Variants in HDAC8 observed in about 807,000 individuals in gnomAD.
The protein encoded by HDAC8 is histone deacetylase 8, also known as histone deacetylase-like 1.
In HDAC8, 1 loss-of-function variant was observed where a neutral mutation model predicts 32.2. The observed-to-expected ratio is 0.03, with a 90% CI of 0.01 to 0.15. The LOEUF (loss-of-function observed/expected upper bound fraction) is 0.15, where lower values mean the gene tolerates loss of function less well. Among genes scored for constraint, HDAC8 ranks in the 10% least tolerant of loss-of-function variants. The probability of loss-of-function intolerance (pLI) is 1.00; values close to 1 mark genes in which losing one functional copy is unlikely to be tolerated. For synonymous variants in HDAC8, 108 were observed against 113.9 expected (o/e 0.95, Z 0.33); for missense variants, 117 against 300.0 (o/e 0.39, Z 4.51).
At chrX:72,344,271 T>C (rs1189060412) in intron 10 of HDAC8, among the ~76,000 whole-genome samples, 1 of 111,337 alleles carries the variant, frequency 9.0e-6, no homozygotes, top group Non-Finnish European at 1.9e-5. Context: ...AGAAACAGCA[T>C]AAAAAAATAA....
intron 9 of HDAC8, among the ~76,000 whole-genome samples, chrX:72,425,035 G>A (rs1434841211): frequency 1.8e-5 from 2 of 111,640 alleles, no homozygotes; most frequent in African/African-American, 6.5e-5. Context: ...TGATATACCA[G>A]TACCCACTTT....
At chrX:72,551,939 G>T in intron 4 of HDAC8, among the ~76,000 whole-genome samples, 1 of 111,301 alleles carries the variant, frequency 9.0e-6, no homozygotes, top group Non-Finnish European at 1.9e-5. Flanking sequence ...CCTCTGCTTG[G>T]AATTTTCTAT....
chrX:72,505,775 C>G (rs782771517), intron 4 of HDAC8, among the ~76,000 whole-genome samples: 9 of 109,595 alleles, frequency 8.2e-5, no homozygotes, highest in Non-Finnish European at 1.3e-4. Flanking sequence ...TGAAGAGACT[C>G]TGTTTAAAAA....
At chrX:72,362,040 C>T (rs1397812294) in intron 9 of HDAC8, among the ~76,000 whole-genome samples, 2 of 110,448 alleles carry the variant, frequency 1.8e-5, no homozygotes, top group Non-Finnish European at 3.8e-5. Context: ...TTTCTGGAGT[C>T]ATATGGGATG....
intron 10 of HDAC8, among the ~76,000 whole-genome samples, chrX:72,339,006 T>G (rs1378020542): frequency 9.0e-6 from 1 of 111,518 alleles, no homozygotes; most frequent in Non-Finnish European, 1.9e-5. Flanking sequence ...TTTTAAAGCA[T>G]ACGTTAAAAT....
At chrX:72,361,719 C>CA (rs782483225) in intron 9 of HDAC8, among the ~76,000 whole-genome samples, 17,444 of 81,773 alleles carry the variant, frequency 0.21, 2,353 homozygotes, top group African/African-American at 0.47. Flanking sequence ...AGCTGAGTAC[C>CA]AAAAAAAAAA....
At chrX:72,349,942 T>C (rs1314051067) in intron 10 of HDAC8, among the ~76,000 whole-genome samples, 1 of 111,131 alleles carries the variant, frequency 9.0e-6, no homozygotes, top group Non-Finnish European at 1.9e-5. Flanking sequence ...TGGGGGAAAA[T>C]GGCAGAGTTG....
chrX:72,465,900 T>A (rs782141484), intron 7 of HDAC8, among the ~76,000 whole-genome samples: 3 of 111,800 alleles, frequency 2.7e-5, no homozygotes, highest in Non-Finnish European at 3.8e-5. Context: ...ATTCTTTGAC[T>A]CAAAGGACTG....
intron 4 of HDAC8, 143 bp downstream of exon 4, chrX:72,567,746 C>T: frequency 8.3e-7 from 1 of 1,210,947 alleles, no homozygotes; most frequent in African/African-American, 1.7e-5. Flanking sequence ...TTCTATTTCA[C>T]TTGGATTTCT....
rs193082623 is a variant in HDAC8, at chrX:72,398,160, A to G, written c.1006-46322T>C. Among the ~76,000 whole-genome samples the G allele has an allele frequency of 7.2e-4, 81 of 111,761 alleles. 1 individual carries two copies. Among genetic ancestry groups the G allele is most frequent in the African/African-American group, 2.3e-3 (70 of 30,803 alleles). ...TTCCAATCTGGTGGATTAAAATGGA[A>G]TCTCATGTTGTTGGTTTCTTTCGTC... On this transcript the variant is annotated intron_variant, in intron 9 of 10. Transcript: ENST00000373573.
chrX:72,523,945 T>C (rs998828246), intron 4 of HDAC8, among the ~76,000 whole-genome samples: 4 of 111,644 alleles, frequency 3.6e-5, no homozygotes, highest in African/African-American at 1.3e-4. Flanking sequence ...GACTATATTC[T>C]GTATACCATA....
chrX:72,339,123 T>C (rs2147697562), intron 10 of HDAC8, among the ~76,000 whole-genome samples: 1 of 111,783 alleles, frequency 8.9e-6, no homozygotes, highest in South Asian at 3.8e-4. Context: ...GGATTACCCT[T>C]GGCCAGCCGG....
At chrX:72,552,788 A>AT (rs781986576) in intron 4 of HDAC8, among the ~76,000 whole-genome samples, 114 of 101,792 alleles carry the variant, frequency 1.1e-3, no homozygotes, top group African/African-American at 4.1e-3. Flanking sequence ...GAAAAAAAAA[A>AT]AAATATATAT....
At chrX:72,364,932 C>T (rs1222355729) in intron 9 of HDAC8, among the ~76,000 whole-genome samples, 2 of 111,594 alleles carry the variant, frequency 1.8e-5, no homozygotes, top group East Asian at 5.6e-4. Context: ...ACAAAGAAAA[C>T]TATATCTAAC....
chrX:72,572,705 G>A lies in HDAC8; in HGVS notation c.57C>T (p.Ile19=), dbSNP rs145362166. 285 of 1,185,040 alleles carry A rather than the reference G, an allele frequency of 2.4e-4. No individual in the cohort carries two copies. In the African/African-American group the frequency reaches 4.2e-3, roughly 17 times the overall value. The part of the protein sequence containing the change: ...DSGQSLVPVY[I]YSPEYVSMCD... ...ACATACTGACATACTCGGGACTATA[G>A]ATATAAACCGGGACCAGCGACTGCC... The change falls in exon 1 of 11, where the codon ATC becomes ATT. Residue 19 remains isoleucine, a synonymous_variant. Coordinates refer to ENST00000373573, the MANE Select transcript of HDAC8 (RefSeq NM_018486.3).
intron 6 of HDAC8, chrX:72,489,399 C>A: frequency 6.0e-6 from 1 of 167,083 alleles, no homozygotes; most frequent in Non-Finnish European, 1.2e-5. Context: ...ATAAAAATCA[C>A]CTGGAAAAAG....
At chrX:72,447,969 T>C (rs1433942593) in intron 9 of HDAC8, among the ~76,000 whole-genome samples, 2 of 112,179 alleles carry the variant, frequency 1.8e-5, no homozygotes, top group Non-Finnish European at 3.8e-5. Context: ...TCCATGTTCA[T>C]GGATAGGAAG....
At chrX:72,536,690 G>A (rs1269657951) in intron 4 of HDAC8, among the ~76,000 whole-genome samples, 3 of 111,853 alleles carry the variant, frequency 2.7e-5, no homozygotes, top group Non-Finnish European at 5.6e-5. Flanking sequence ...TAAGGGCTCT[G>A]TGCCTAGAGT....
intron 9 of HDAC8, among the ~76,000 whole-genome samples, chrX:72,422,594 G>A (rs782689983): frequency 1.9e-4 from 21 of 111,608 alleles, no homozygotes; most frequent in South Asian, 3.7e-4. Context: ...ATATTTTCCC[G>A]TATACATGGA....
Sources: allele counts gnomAD v4.1 joint callset (sites outside exome capture counted in the v4.1 genomes callset), GRCh38; gene constraint gnomAD v4.1.1; transcripts MANE v1.5; gene names NCBI Gene and HGNC (gene_info 2026-07-23, HGNC 2026-07-21).